The following CMIP variants were observed in gnomAD, a reference collection of about 807,000 sequenced individuals.
CMIP encodes the protein C-Maf-inducing protein.
A neutral mutation model predicts 97.3 loss-of-function variants in CMIP; 13 were observed. That is an observed-to-expected ratio of 0.13 (90% confidence interval 0.09 to 0.21). The LOEUF is 0.21. CMIP is among the 10% of genes least tolerant of loss of function. The pLI is 1.00. For synonymous variants in CMIP, 538 were observed against 436.3 expected (o/e 1.23, Z -2.91); for missense variants, 847 against 1,024.9 (o/e 0.83, Z 2.37).
In CMIP at chr16:81,577,763, C is replaced by G. The variant is rs1027378758; in HGVS notation, c.301-29804C>G. Among the ~76,000 whole-genome samples the G allele has an allele frequency of 1.3e-4, 19 of 146,120 alleles. 1 individual carries two copies. Among genetic ancestry groups the G allele is most frequent in the Admixed American group, 2.0e-4 (3 of 14,998 alleles). On this transcript the variant is annotated intron_variant, in intron 1 of 20. Transcript: ENST00000537098. ...ATCCCCATTACCACTACGCTATTAT[C>G]ACTATCACCATCACCATCATCACCA...
intron 1 of CMIP, among the ~76,000 whole-genome samples, chr16:81,494,865 C>G (rs544480931): frequency 6.6e-6 from 1 of 152,370 alleles, no homozygotes; most frequent in Admixed American, 6.5e-5. Context: ...AGAGCCCCTA[C>G]TTGCCAGGTG....
In CMIP at chr16:81,628,553, C is replaced by G. The variant is rs1042622855; in HGVS notation, c.477+7627C>G. Among the ~76,000 whole-genome samples, 3 of 152,344 alleles carry G rather than the reference C, an allele frequency of 2.0e-5. No homozygotes were observed. The East Asian group carries it at 5.8e-4, about 29-fold the overall frequency. On this transcript the variant is annotated intron_variant, in intron 3 of 20. Transcript: ENST00000537098. ...ACTGAGGCTGAGGTTAAATCACTCA[C>G]TCAAGGTCACACAGCTGTTCAATGG... is the stretch of plus-strand genomic sequence containing the variant.
intron 11 of CMIP, 125 bp from the exon 12 acceptor site, chr16:81,693,033 C>T: frequency 2.8e-6 from 2 of 714,318 alleles, no homozygotes; most frequent in South Asian, 1.8e-5. Flanking sequence ...GCATTTCACT[C>T]ACATTCCTCT....
At chr16:81,536,908 C>T (rs190549325) in intron 1 of CMIP, among the ~76,000 whole-genome samples, 25 of 152,292 alleles carry the variant, frequency 1.6e-4, no homozygotes, top group Non-Finnish European at 2.9e-4. Context: ...CAGTACCCCA[C>T]CCCCTGCCCT....
At chr16:81,492,572 GCTAGCAGGGCCGGGCC>G in intron 1 of CMIP, among the ~76,000 whole-genome samples, 1 of 94,346 alleles carries the variant, frequency 1.1e-5, no homozygotes, top group Admixed American at 1.2e-4. Context: ...GCTGGGCCTT[GCTAGCAGGGCCGGGCC>G]TTGCTGGCCA....
intron 1 of CMIP, among the ~76,000 whole-genome samples, chr16:81,484,181 G>C (rs917177905): frequency 2.6e-5 from 4 of 152,142 alleles, no homozygotes; most frequent in African/African-American, 9.7e-5. Context: ...GGGCCCACCA[G>C]GTGGAAGTCG....
chr16:81,515,335 G>A (rs577666351), intron 1 of CMIP, among the ~76,000 whole-genome samples: 4 of 152,314 alleles, frequency 2.6e-5, no homozygotes, highest in East Asian at 1.9e-4. Context: ...TCCTTGAAGC[G>A]TTGTGGTCCC....
At chr16:81,597,596 G>C (rs74823499) in intron 1 of CMIP, among the ~76,000 whole-genome samples, 10 of 125,076 alleles carry the variant, frequency 8.0e-5, no homozygotes, top group South Asian at 6.5e-4. Flanking sequence ...AGGGGAGCGG[G>C]GGGGGGGGAG....
At chr16:81,668,840 C>G (rs938779007) in intron 7 of CMIP, among the ~76,000 whole-genome samples, 4 of 151,144 alleles carry the variant, frequency 2.6e-5, no homozygotes, top group African/African-American at 9.8e-5. Flanking sequence ...CTTCCACACC[C>G]ACCTCACACT....
At chr16:81,673,463 C>T (rs956681148) in intron 9 of CMIP, among the ~76,000 whole-genome samples, 1 of 152,068 alleles carries the variant, frequency 6.6e-6, no homozygotes, top group East Asian at 1.9e-4. Context: ...TTGCAGTGAG[C>T]CAAGATCACA....
At chr16:81,683,610 G>C (rs1461642569) in intron 10 of CMIP, among the ~76,000 whole-genome samples, 1 of 151,842 alleles carries the variant, frequency 6.6e-6, no homozygotes, top group Non-Finnish European at 1.5e-5. Flanking sequence ...GGCTGGTCTC[G>C]AACTCCTGAC....
intron 1 of CMIP, among the ~76,000 whole-genome samples, chr16:81,540,237 A>G (rs62046623): frequency 0.23 from 34,513 of 152,080 alleles, 4,058 homozygotes; most frequent in East Asian, 0.42. Flanking sequence ...CACTGATTTG[A>G]TGAGTCCCCG....
chr16:81,553,510 G>GC (rs35226064), intron 1 of CMIP, among the ~76,000 whole-genome samples: 62,896 of 152,032 alleles, frequency 0.41, 14,754 homozygotes, highest in Non-Finnish European at 0.52. Context: ...TCCAAACAGA[G>GC]CCCACTGCCT....
intron 1 of CMIP, among the ~76,000 whole-genome samples, chr16:81,511,746 G>A (rs2089814332): frequency 6.6e-6 from 1 of 152,142 alleles, no homozygotes. Context: ...ATGTTTTGTA[G>A]AGATGGCGTT....
chr16:81,464,635 G>C (rs1018486615), intron 1 of CMIP: 6 of 152,162 alleles, frequency 3.9e-5, no homozygotes, highest in Non-Finnish European at 8.8e-5. Flanking sequence ...GTACAATTCA[G>C]TGGCATTAAA....
At chr16:81,486,012 GA>G (rs1247083078) in intron 1 of CMIP, among the ~76,000 whole-genome samples, 1 of 152,244 alleles carries the variant, frequency 6.6e-6, no homozygotes, top group African/African-American at 2.4e-5. Context: ...GCGGAGGGTT[GA>G]GGGGTTGGGC....
chr16:81,701,626 C>T (rs771841254), intron 15 of CMIP, 34 bp from the exon 16 acceptor site: 14 of 1,613,362 alleles, frequency 8.7e-6, no homozygotes, highest in South Asian at 4.4e-5. Flanking sequence ...GGTGGCAGGC[C>T]GGGTCCGTAA....
At chr16:81,495,471 G>T in intron 1 of CMIP, 1 of 1,613,122 alleles carries the variant, frequency 6.2e-7, no homozygotes, top group Non-Finnish European at 8.5e-7. Context: ...TGGCGTCCGG[G>T]GAAGGATGGG....
chr16:81,604,834 C>T (rs2091716173), intron 1 of CMIP, among the ~76,000 whole-genome samples: 1 of 152,202 alleles, frequency 6.6e-6, no homozygotes, highest in African/African-American at 2.4e-5. Context: ...ACTCAGAAAG[C>T]CTCTGTCCAG....
Sources: allele counts gnomAD v4.1 joint callset (sites outside exome capture counted in the v4.1 genomes callset), GRCh38; gene constraint gnomAD v4.1.1; transcripts MANE v1.5; gene names NCBI Gene and HGNC (gene_info 2026-07-23, HGNC 2026-07-21).